The following RPL7 variants were observed in gnomAD, a reference collection of about 807,000 sequenced individuals.
The protein encoded by RPL7 is large ribosomal subunit protein uL30.
For synonymous variants in RPL7, 100 were observed against 102.2 expected, an observed-to-expected ratio of 0.98 and a Z score of 0.13; for missense variants, 205 against 301.9, an observed-to-expected ratio of 0.68 and a Z score of 2.38.
chr8:73,291,079 C>A lies in RPL7; in HGVS notation c.712G>T (p.Asp238Tyr). The change falls in exon 6 of 7, where the codon GAC (aspartate) becomes TAC (tyrosine). Residue 238 changes from aspartate (D) to tyrosine (Y), a missense_variant. Physicochemically the swap from Asp to Tyr is radical, Grantham distance 160 (BLOSUM62 -3). Transcript: ENST00000352983. ...VEGGDAGNRE[D>Y]QINRLIRRMN ...CTTCTAATAAGCCTGTTGATCTGGT[C>A]CTCCCTGTTGCCAGCATCTCCACCT... 1 of 1,610,418 alleles carries A rather than the reference C, an allele frequency of 6.2e-7. No homozygotes were observed. Among genetic ancestry groups the A allele is most frequent in the South Asian group, 1.1e-5 (1 of 90,920 alleles).
At chr8:73,292,645 T>C in intron 2 of RPL7, 44 bp downstream of exon 2, 3 of 1,420,638 alleles carry the variant, frequency 2.1e-6, no homozygotes, top group East Asian at 4.6e-5. Context: ...TCAATCCCAA[T>C]AAGGCGCCTC....
chr8:73,293,689 T>C, upstream of RPL7: 1 of 1,565,198 alleles, frequency 6.4e-7, no homozygotes, highest in Non-Finnish European at 8.7e-7. Context: ...GCCCCACGAC[T>C]CATAGGTGTC....
intron 1 of RPL7, 53 bp from the exon 2 acceptor site, chr8:73,292,850 G>GT: frequency 3.0e-6 from 4 of 1,332,530 alleles, no homozygotes; most frequent in African/African-American, 1.5e-5. Context: ...TCACAGCGCT[G>GT]TATTACTCCC....
At position 73,292,228 on chromosome 8, in the gene RPL7, A is replaced by C. The variant is rs181558901; in HGVS notation, c.290+11T>G. ...CCCATTCAAACCCGAATGCAGTAAA[A>C]CTGAACTTACCCTCTGATTCTGATG... On this transcript the variant is annotated intron_variant, in intron 3 of 6. Coordinates refer to ENST00000352983, the MANE Select transcript of RPL7 (RefSeq NM_000971.4). 26 of 1,609,928 alleles carry C rather than the reference A, an allele frequency of 1.6e-5. No individual in the cohort carries two copies. In the African/African-American group the frequency reaches 2.8e-4, roughly 17 times the overall value.
intron 1 of RPL7, chr8:73,293,067 C>G: frequency 3.1e-6 from 1 of 325,016 alleles, no homozygotes; most frequent in East Asian, 4.9e-5. Context: ...CCTCCGACGA[C>G]TAATTAAAAA....
chr8:73,293,158 C>T (rs1814147839), intron 1 of RPL7: 2 of 246,812 alleles, frequency 8.1e-6, no homozygotes, highest in Admixed American at 1.0e-4. Context: ...GACCCCGAGA[C>T]TTTAAGCGCA....
At chr8:73,292,177 G>C in intron 3 of RPL7, 62 bp downstream of exon 3, 6 of 1,425,368 alleles carry the variant, frequency 4.2e-6, no homozygotes, top group Non-Finnish European at 5.8e-6. Flanking sequence ...GCTCCCAGAA[G>C]TAATGTGAAG....
upstream of RPL7, chr8:73,293,722 C>A (rs925212005): frequency 2.1e-6 from 3 of 1,436,012 alleles, no homozygotes; most frequent in Non-Finnish European, 2.9e-6. Flanking sequence ...GGAAAAGAAT[C>A]CAGAACTAAA....
intron 3 of RPL7, 56 bp downstream of exon 3, chr8:73,292,183 T>G: frequency 1.4e-6 from 2 of 1,440,476 alleles, no homozygotes; most frequent in Non-Finnish European, 1.9e-6. Context: ...AGAAGTAATG[T>G]GAAGGTTTTT....
At chr8:73,294,249 G>A (rs886766110), upstream of RPL7, 1 of 154,206 alleles carries the variant, frequency 6.5e-6, no homozygotes, top group African/African-American at 2.4e-5. Context: ...GGGCGGTCTG[G>A]AGTGCTCTAG....
upstream of RPL7, chr8:73,293,879 G>T (rs1814178029): frequency 4.6e-6 from 2 of 430,706 alleles, no homozygotes; most frequent in Admixed American, 3.6e-5. Context: ...GGCAACTCCG[G>T]GTCCTAATCC....
chr8:73,291,286 G>A lies in RPL7; in HGVS notation c.539-34C>T. The A allele has an allele frequency of 2.0e-6, 3 of 1,525,636 alleles. No individual in the cohort carries two copies. In the Admixed American group the frequency reaches 5.8e-5, roughly 29 times the overall value. The allele number at this position is 1,525,636 out of a possible 1,614,324, so 94.5% of individuals were successfully genotyped here. On this transcript the variant is annotated intron_variant, in intron 5 of 6. Coordinates refer to ENST00000352983, the MANE Select transcript of RPL7 (RefSeq NM_000971.4). ...TTTAAGGTTATTTAAGATTATTAAAGTTGCAAAAAGTTTTGAAATAATTAT... is the reference window on the plus strand; with the variant it reads ...TTTAAGGTTATTTAAGATTATTAAAATTGCAAAAAGTTTTGAAATAATTAT...
rs905592808 is a variant in RPL7, at chr8:73,293,547, A to C, written c.14+52T>G. 22 of 1,608,900 alleles carry C rather than the reference A, an allele frequency of 1.4e-5. No individual in the cohort carries two copies. The South Asian group carries it at 2.3e-4, about 17-fold the overall frequency. On this transcript the variant is annotated intron_variant, in intron 1 of 6. Transcript: ENST00000352983. ...AGAGAGAAAAAGTGACACAAAAAGT[A>C]TCTGGCTCTGGAGATGGAGAAGGAT... is the stretch of plus-strand genomic sequence containing the variant.
At chr8:73,293,677 A>C, upstream of RPL7, 3 of 1,597,138 alleles carry the variant, frequency 1.9e-6, no homozygotes, top group South Asian at 1.1e-5. Context: ...TTCGCGAGAG[A>C]AGCCCCACGA....
rs989434602 is a variant in RPL7 at position 73,292,460 on chromosome 8, G to A, written c.124-55C>T. 3.2e-5 allele frequency: 47 copies of A among 1,466,320 alleles called. No individual in the cohort carries two copies. The African/African-American group carries it at 3.7e-4, about 11-fold the overall frequency. The allele number at this position is 1,466,320 out of a possible 1,614,324, so 90.8% of individuals were successfully genotyped here. ...TTTTAGCTCAATCACAATTAGCAAT[G>A]CCAATCATTAAAAAGAAAACTACAA... On this transcript the variant is annotated intron_variant, in intron 2 of 6. Coordinates refer to ENST00000352983, the MANE Select transcript of RPL7 (RefSeq NM_000971.4).
Position 73,291,641 on chromosome 8 carries a change from A to G in RPL7, c.449T>C (p.Val150Ala). 3 of 1,595,110 alleles carry G rather than the reference A, an allele frequency of 1.9e-6. No individual in the cohort carries two copies. The highest frequency in any genetic ancestry group is 2.3e-5 in the East Asian group (1 of 44,276). Reference protein sequence around the residue: ...IAWGYPNLKSVNELIYKRGYG... With the variant: ...IAWGYPNLKSANELIYKRGYG... ...ACCACGCTTGTAGATTAGTTCATTT[A>G]CTGACTTCAGATTGGGGTACCTGAA... The change falls in exon 5 of 7, where the codon GTA (valine) becomes GCA (alanine). Residue 150 changes from valine (V) to alanine (A), a missense_variant. Val to Ala is a moderately conservative substitution (Grantham distance 64, BLOSUM62 0). Coordinates refer to ENST00000352983, the MANE Select transcript of RPL7 (RefSeq NM_000971.4).
intron 4 of RPL7, 55 bp from the exon 5 acceptor site, chr8:73,291,716 T>C (rs1433730479): frequency 6.3e-7 from 1 of 1,590,838 alleles, no homozygotes; most frequent in Non-Finnish European, 8.6e-7. Context: ...CATCTAAAAT[T>C]CATGTTGCTA....
At chr8:73,293,435 TCCCAA>T (rs1814160965) in intron 1 of RPL7, 159 bp downstream of exon 1, 3 of 836,186 alleles carry the variant, frequency 3.6e-6, no homozygotes, top group Non-Finnish European at 5.7e-6. Flanking sequence ...ACCGCCCGCA[TCCCAA>T]CCCTAGCCTC....
chr8:73,292,153 GT>G (rs1433169202), intron 3 of RPL7, 85 bp downstream of exon 3: 1 of 1,328,366 alleles, frequency 7.5e-7, no homozygotes, highest in Non-Finnish European at 1.0e-6. Context: ...TTACTCCGGT[GT>G]TTCAGAATCA....
Sources: gnomAD v4.1 joint callset for allele counts on GRCh38, gnomAD v4.1.1 for gene constraint, MANE v1.5 for transcripts, NCBI Gene and HGNC (gene_info 2026-07-23, HGNC 2026-07-21) for gene names.